Variants in SH3TC2 observed in about 807,000 individuals in gnomAD.
The protein encoded by SH3TC2 is SH3 domain and tetratricopeptide repeat-containing protein 2.
Under a neutral mutation model 124.5 loss-of-function variants are expected in SH3TC2, and 87 were observed. The observed-to-expected ratio is 0.70, with a 90% CI of 0.59 to 0.84. SH3TC2 has a LOEUF of 0.84. Ranked by LOEUF, SH3TC2 falls within the 40% of genes least tolerant of loss-of-function variation. The probability of loss-of-function intolerance (pLI) is 0.00; values close to 1 mark genes in which losing one functional copy is unlikely to be tolerated. For synonymous variants in SH3TC2, 634 were observed against 628.5 expected (o/e 1.01, Z -0.13); for missense variants, 1,536 against 1,566.4 (o/e 0.98, Z 0.33).
Position 148,996,210 on chromosome 5 carries a change from T to C in SH3TC2, c.*8501A>G, listed in dbSNP as rs1753507515. The stretch of plus-strand genomic sequence containing the variant: ...AGAAGGTCGAGGTAGCAGTGAACCA[T>C]GGCCACCCCACTGCACTCCAGCCTG... On this transcript the variant is annotated 3_prime_UTR_variant, in exon 17 of 17. Transcript: ENST00000515425. 6.6e-6 allele frequency among the ~76,000 whole-genome samples: 1 copy of C among 151,818 alleles called. No individual in the cohort carries two copies. The highest frequency in any genetic ancestry group is 6.6e-5 in the Admixed American group (1 of 15,224).
At chr5:149,050,648 G>A (rs147215954) in intron 2 of SH3TC2, among the ~76,000 whole-genome samples, 1 of 152,226 alleles carries the variant, frequency 6.6e-6, no homozygotes, top group Non-Finnish European at 1.5e-5. Flanking sequence ...AGAAACAAAG[G>A]GCAAAGTTTT....
chr5:149,043,017 G>A (rs140373025), intron 4 of SH3TC2, among the ~76,000 whole-genome samples, 180 bp from the exon 5 acceptor site: 1 of 152,326 alleles, frequency 6.6e-6, no homozygotes, highest in Non-Finnish European at 1.5e-5. Context: ...AATGAGTTGA[G>A]TCTTCTCAAC....
At position 149,007,069 on chromosome 5, in the gene SH3TC2, T is replaced by C; in HGVS notation, c.3487A>G (p.Arg1163Gly). 1 of 1,614,164 alleles carries C rather than the reference T, an allele frequency of 6.2e-7. No homozygotes were observed. The highest frequency in any genetic ancestry group is 8.5e-7 in the Non-Finnish European group (1 of 1,180,014). ...ARLSTVTGDQ[R>G]QELVAFHRLA... Reference sequence around the variant, plus strand: ...CGGTGAAAGGCCACCAGCTCTTGCCTCTGATCTCCTAAGAATTGGAAGACT... The same window carrying C: ...CGGTGAAAGGCCACCAGCTCTTGCCCCTGATCTCCTAAGAATTGGAAGACT... The change falls in exon 16 of 17, where the codon AGG becomes GGG. Residue 1163 changes from arginine to glycine, a missense_variant. Physicochemically the swap from Arg to Gly is moderately radical, Grantham distance 125. Transcript: ENST00000515425.
intron 8 of SH3TC2, among the ~76,000 whole-genome samples, chr5:149,033,419 CATT>C (rs1754231624): frequency 6.6e-6 from 1 of 152,138 alleles, no homozygotes; most frequent in Non-Finnish European, 1.5e-5. Context: ...TATTTTAGTA[CATT>C]ATTTAAAGAA....
At chr5:149,051,955 T>C (rs1754564628) in intron 2 of SH3TC2, among the ~76,000 whole-genome samples, 187 bp downstream of exon 2, 1 of 152,164 alleles carries the variant, frequency 6.6e-6, no homozygotes, top group Admixed American at 6.5e-5. Flanking sequence ...GAGTGACAGC[T>C]TGAGAAAGTT....
At chr5:149,031,782 A>C in intron 8 of SH3TC2, 95 bp from the exon 9 acceptor site, 1 of 1,548,406 alleles carries the variant, frequency 6.5e-7, no homozygotes, top group Non-Finnish European at 8.8e-7. Flanking sequence ...GAGGATGCAG[A>C]AAAGTCATCA....
rs1378160592 is a variant in SH3TC2, at chr5:148,989,173, A to G, written c.*15538T>C. 6.6e-6 allele frequency among the ~76,000 whole-genome samples: 1 copy of G among 152,168 alleles called. No homozygotes were observed. Among genetic ancestry groups the G allele is most frequent in the Non-Finnish European group, 1.5e-5 (1 of 68,016 alleles). On this transcript the variant is annotated 3_prime_UTR_variant, in exon 17 of 17. Coordinates refer to ENST00000515425, the MANE Select transcript of SH3TC2 (RefSeq NM_024577.4). Reference sequence around the variant, plus strand: ...ATTCCCTTTTTGAGTCTTTTTTCCAAGATTACAGGCTCAAGTCATGGGTTT... The same window carrying G: ...ATTCCCTTTTTGAGTCTTTTTTCCAGGATTACAGGCTCAAGTCATGGGTTT...
intron 2 of SH3TC2, among the ~76,000 whole-genome samples, chr5:149,050,968 A>G (rs1434300080): frequency 6.6e-6 from 1 of 152,186 alleles, no homozygotes; most frequent in East Asian, 1.9e-4. Flanking sequence ...TCTGTTTCTC[A>G]TCAGCTAAAT....
intron 8 of SH3TC2, among the ~76,000 whole-genome samples, chr5:149,034,186 C>A (rs537946090): frequency 4.6e-5 from 7 of 151,872 alleles, no homozygotes; most frequent in African/African-American, 1.7e-4. Context: ...AAATATAAAT[C>A]GTAGAAAATG....
intron 1 of SH3TC2, among the ~76,000 whole-genome samples, chr5:149,055,391 A>G (rs1754629311): frequency 1.3e-5 from 2 of 152,196 alleles, no homozygotes; most frequent in Non-Finnish European, 2.9e-5. Flanking sequence ...TTCACCAATG[A>G]CAATATTCAA....
intron 7 of SH3TC2, among the ~76,000 whole-genome samples, chr5:149,040,303 C>T (rs1022872667): frequency 1.3e-5 from 2 of 152,160 alleles, no homozygotes; most frequent in Admixed American, 6.5e-5. Flanking sequence ...TGTTTTTTCA[C>T]TCATATATCT....
At chr5:149,053,839 AAAAC>A (rs1754598140) in intron 1 of SH3TC2, among the ~76,000 whole-genome samples, 1 of 152,170 alleles carries the variant, frequency 6.6e-6, no homozygotes, top group South Asian at 2.1e-4. Context: ...AAAAAAAATT[AAAAC>A]AATTGGACTC....
chr5:149,041,397 G>T lies in SH3TC2; in HGVS notation c.731+19C>A, dbSNP rs1391255778. Reference sequence around the variant, plus strand: ...AGTCTGCTCTGGGACTTGCTCCCAGGAGGCAGATGGCTACTCACTGGTGGA... The same window carrying T: ...AGTCTGCTCTGGGACTTGCTCCCAGTAGGCAGATGGCTACTCACTGGTGGA... On this transcript the variant is annotated intron_variant, in intron 6 of 16. Transcript: ENST00000515425. 1 of 1,611,532 alleles carries T rather than the reference G, an allele frequency of 6.2e-7. No individual in the cohort carries two copies. The highest frequency in any genetic ancestry group is 1.7e-5 in the Admixed American group (1 of 59,924).
At position 148,994,820 on chromosome 5, in the gene SH3TC2, T is replaced by C. The variant is rs1406346643; in HGVS notation, c.*9891A>G. Among the ~76,000 whole-genome samples, 3 of 152,144 alleles carry C rather than the reference T, an allele frequency of 2.0e-5. No homozygotes were observed. The highest frequency in any genetic ancestry group is 4.4e-5 in the Non-Finnish European group (3 of 68,022). On this transcript the variant is annotated 3_prime_UTR_variant, in exon 17 of 17. Transcript: ENST00000515425. ...CAAAGGAGCTAAACTCAGACTTTTC[T>C]TCCTAGTCCTTTGCATATATGCATC...
At chr5:149,045,192 C>T (rs1386501546) in intron 3 of SH3TC2, 1 of 152,658 alleles carries the variant, frequency 6.6e-6, no homozygotes, top group Non-Finnish European at 1.5e-5. Context: ...CATCTTTTTT[C>T]CTACACAAGT....
At position 149,027,361 on chromosome 5, in the gene SH3TC2, C is replaced by A; in HGVS notation, c.2371G>T (p.Gly791Cys). Residue 791 changes from glycine (G) to cysteine (C), a missense_variant, in exon 11 of 17, where the codon GGT becomes TGT. This residue lies in a region of SH3TC2 where 1,102 missense variants were observed against 1,098.6 expected (regional missense o/e 1.00). Coordinates refer to ENST00000515425, the MANE Select transcript of SH3TC2 (RefSeq NM_024577.4). ...GAAGACTCAAAGGATTCCTGCTCACCCAGCAGCTGCCCTAGCACCAAGGCC... is the reference window on the plus strand; with the variant it reads ...GAAGACTCAAAGGATTCCTGCTCACACAGCAGCTGCCCTAGCACCAAGGCC... ...SQALVLGQLL[G>C]EQESFESSLC... 6.2e-7 allele frequency: 1 copy of A among 1,614,058 alleles called. No individual in the cohort carries two copies. The highest frequency in any genetic ancestry group is 8.5e-7 in the Non-Finnish European group (1 of 1,179,994).
rs200228716 is a variant in SH3TC2 at position 149,006,981 on chromosome 5, G to A, written c.3575C>T (p.Thr1192Ile). The change falls in exon 16 of 17, where the codon ACC becomes ATC. Residue 1192 changes from threonine (T) to isoleucine (I), a missense_variant. Physicochemically the swap from Thr to Ile is moderately conservative, Grantham distance 89. Coordinates refer to ENST00000515425, the MANE Select transcript of SH3TC2 (RefSeq NM_024577.4). The stretch of plus-strand genomic sequence containing the variant: ...CAGCCATGGTGGACAGAGGGACAGG[G>A]TCTTCAGGTAGCAGTCCTCAGCCAT... The part of the protein sequence containing the change: ...YEMAEDCYLK[T>I]LSLCPPWLQS... 4.3e-6 allele frequency: 7 copies of A among 1,614,154 alleles called. No individual in the cohort carries two copies. Among genetic ancestry groups the A allele is most frequent in the Non-Finnish European group, 5.9e-6 (7 of 1,180,004 alleles).
Position 148,987,236 on chromosome 5 carries a change from T to C in SH3TC2, c.*17475A>G, listed in dbSNP as rs908917292. 6.6e-6 allele frequency among the ~76,000 whole-genome samples: 1 copy of C among 152,238 alleles called. No homozygotes were observed. The highest frequency in any genetic ancestry group is 1.5e-5 in the Non-Finnish European group (1 of 68,028). On this transcript the variant is annotated 3_prime_UTR_variant, in exon 17 of 17. Transcript: ENST00000515425. Reference sequence around the variant, plus strand: ...AAAGCACATTTTTGCCAATGGTCTTTGTTCTGAACAAAGATTGGTTCTATC... The same window carrying C: ...AAAGCACATTTTTGCCAATGGTCTTCGTTCTGAACAAAGATTGGTTCTATC...
intron 12 of SH3TC2, among the ~76,000 whole-genome samples, chr5:149,014,210 C>T (rs1305490518): frequency 6.6e-6 from 1 of 152,164 alleles, no homozygotes; most frequent in Admixed American, 6.5e-5. Context: ...ATTCAAAGCA[C>T]AGATCCCCCA....
Sources: allele counts gnomAD v4.1 joint callset (sites outside exome capture counted in the v4.1 genomes callset), GRCh38; gene constraint gnomAD v4.1.1; regional missense constraint gnomAD v4.1.1; transcripts MANE v1.5; gene names NCBI Gene and HGNC (gene_info 2026-07-23, HGNC 2026-07-21).